GXYLT2: variants seen among roughly 807,000 people sequenced by gnomAD.
GXYLT2 encodes glucoside xylosyltransferase 2.
GXYLT2 carries 53 observed loss-of-function variants against 45.8 expected under a neutral mutation model. The observed-to-expected ratio is 1.16, with a 90% CI of 0.93 to 1.46. The LOEUF (loss-of-function observed/expected upper bound fraction) is 1.46, where lower values mean the gene tolerates loss of function less well. Among genes scored for constraint, GXYLT2 ranks in the 40% most tolerant of loss-of-function variants. The pLI is 0.00. For missense variants in GXYLT2, 551 were observed against 544.4 expected, an observed-to-expected ratio of 1.01 and a Z score of -0.12; for synonymous variants, 219 against 214.2, an observed-to-expected ratio of 1.02 and a Z score of -0.19.
intron 1 of GXYLT2, among the ~76,000 whole-genome samples, chr3:72,893,713 T>G (rs546770642): frequency 1.3e-5 from 2 of 152,384 alleles, no homozygotes; most frequent in East Asian, 1.9e-4. Flanking sequence ...ATTAAGTTCC[T>G]TATTATCTAA....
intron 3 of GXYLT2, among the ~76,000 whole-genome samples, chr3:72,942,531 C>A (rs144439930): frequency 6.6e-6 from 1 of 152,126 alleles, no homozygotes; most frequent in African/African-American, 2.4e-5. Flanking sequence ...AGGGGAAATC[C>A]TTAGTTGACT....
At chr3:72,930,583 C>CTTT (rs1394664701) in intron 3 of GXYLT2, among the ~76,000 whole-genome samples, 5 of 111,902 alleles carry the variant, frequency 4.5e-5, no homozygotes, top group Admixed American at 1.0e-4. Flanking sequence ...TTTTCTTTTT[C>CTTT]TTCTTCTTCT....
At chr3:72,970,177 C>T (rs186501019) in intron 6 of GXYLT2, among the ~76,000 whole-genome samples, 74 of 151,986 alleles carry the variant, frequency 4.9e-4, no homozygotes, top group Admixed American at 1.6e-3. Flanking sequence ...ATGGTAAAAC[C>T]CCATCTCTAC....
chr3:72,904,491 T>C (rs1001105183), intron 1 of GXYLT2, among the ~76,000 whole-genome samples: 1 of 152,240 alleles, frequency 6.6e-6, no homozygotes. Context: ...GGAGAGGTTT[T>C]ATTTTTCTTT....
At chr3:72,926,222 A>C (rs925016059) in intron 3 of GXYLT2, among the ~76,000 whole-genome samples, 2 of 152,226 alleles carry the variant, frequency 1.3e-5, no homozygotes, top group Non-Finnish European at 2.9e-5. Flanking sequence ...AGATTTTACT[A>C]TCTGAATAAT....
chr3:72,943,501 C>G (rs879720652), intron 3 of GXYLT2, among the ~76,000 whole-genome samples: 1 of 151,868 alleles, frequency 6.6e-6, no homozygotes, highest in South Asian at 2.1e-4. Context: ...CTCAGCCTCC[C>G]GAGTAGCTGG....
chr3:72,910,740 C>T (rs60312667), intron 2 of GXYLT2, among the ~76,000 whole-genome samples: 2,684 of 152,298 alleles, frequency 0.018, 72 homozygotes, highest in African/African-American at 0.06. Context: ...GTCATAACCC[C>T]GCCTTTCATT....
chr3:72,963,078 G>A (rs546520774), intron 5 of GXYLT2, among the ~76,000 whole-genome samples: 134 of 152,204 alleles, frequency 8.8e-4, no homozygotes, highest in Non-Finnish European at 1.5e-3. Flanking sequence ...TTAGGAGGCT[G>A]AGCAGGGAGT....
rs762698184 is a variant in GXYLT2, at chr3:72,967,583, G to T, written c.1013G>T (p.Arg338Leu). 1.2e-6 allele frequency: 2 copies of T among 1,613,646 alleles called. No homozygotes were observed. Among genetic ancestry groups the T allele is most frequent in the Non-Finnish European group, 1.7e-6 (2 of 1,179,810 alleles). Residue 338 changes from arginine (R) to leucine (L), a missense_variant, in exon 6 of 7, where the codon CGT (arginine) becomes CTT (leucine). Arg to Leu is a moderately radical substitution (Grantham distance 102). Transcript: ENST00000389617. ...LYVFPCQWNY[R>L]PDHCMYGSNC... is the part of the protein sequence containing the mutation. Reference sequence around the variant, plus strand: ...GTATTCCCCTGCCAGTGGAACTACCGTCCCGATCACTGCATGTACGGAAGC... The same window carrying T: ...GTATTCCCCTGCCAGTGGAACTACCTTCCCGATCACTGCATGTACGGAAGC...
intron 6 of GXYLT2, among the ~76,000 whole-genome samples, chr3:72,973,665 A>G (rs1182763281): frequency 6.6e-6 from 1 of 152,126 alleles, no homozygotes; most frequent in Non-Finnish European, 1.5e-5. Context: ...CATATTTGGG[A>G]TATGCTGTTG....
At chr3:72,974,471 G>A (rs1264728787) in intron 6 of GXYLT2, among the ~76,000 whole-genome samples, 1 of 152,182 alleles carries the variant, frequency 6.6e-6, no homozygotes, top group Non-Finnish European at 1.5e-5. Context: ...TTGTTTTGTT[G>A]TAGTAGATTT....
intron 2 of GXYLT2, among the ~76,000 whole-genome samples, chr3:72,911,216 G>A (rs1221631366): frequency 6.6e-6 from 1 of 152,172 alleles, no homozygotes; most frequent in African/African-American, 2.4e-5. Context: ...GCTCAAACCT[G>A]GGAGGCGGAG....
intron 3 of GXYLT2, among the ~76,000 whole-genome samples, chr3:72,935,489 C>T (rs1421565756): frequency 6.6e-6 from 1 of 152,088 alleles, no homozygotes; most frequent in African/African-American, 2.4e-5. Context: ...GACATAAATT[C>T]CCAGATTGAG....
intron 3 of GXYLT2, chr3:72,929,283 T>C (rs111644690): frequency 0.1 from 134,095 of 1,330,018 alleles, 9,396 homozygotes; most frequent in East Asian, 0.27. Context: ...GGTGGCCGAA[T>C]CTTCCTTCAG....
At chr3:72,933,696 C>T (rs2107116697) in intron 3 of GXYLT2, among the ~76,000 whole-genome samples, 1 of 152,066 alleles carries the variant, frequency 6.6e-6, no homozygotes, top group East Asian at 1.9e-4. Context: ...ATGACTTGAG[C>T]CCAGGAGTTC....
At chr3:72,900,341 G>A (rs1370839172) in intron 1 of GXYLT2, among the ~76,000 whole-genome samples, 1 of 152,104 alleles carries the variant, frequency 6.6e-6, no homozygotes, top group South Asian at 2.1e-4. Flanking sequence ...TTTCATTTGA[G>A]CATGGGGAAC....
chr3:72,965,957 C>A (rs953278593), intron 5 of GXYLT2, among the ~76,000 whole-genome samples: 1 of 151,916 alleles, frequency 6.6e-6, no homozygotes, highest in Admixed American at 6.6e-5. Context: ...TTTCTCTTTC[C>A]TGTTGTAGGT....
chr3:72,964,905 A>T (rs991785995), intron 5 of GXYLT2, among the ~76,000 whole-genome samples: 8 of 152,224 alleles, frequency 5.3e-5, no homozygotes, highest in African/African-American at 1.2e-4. Flanking sequence ...ATTGGGTGAC[A>T]AAAGGAAGCA....
At chr3:72,956,609 C>T (rs2107143141) in intron 4 of GXYLT2, among the ~76,000 whole-genome samples, 1 of 152,154 alleles carries the variant, frequency 6.6e-6, no homozygotes, top group East Asian at 1.9e-4. Context: ...AGAAAGACTT[C>T]GCCTCTTAGG....
Sources: gnomAD v4.1 joint callset for allele counts (sites outside exome capture counted in the v4.1 genomes callset) on GRCh38, gnomAD v4.1.1 for gene constraint, MANE v1.5 for transcripts, NCBI Gene and HGNC (gene_info 2026-07-23, HGNC 2026-07-21) for gene names.